The following UBE2D1 variants were observed in gnomAD, a reference collection of about 807,000 sequenced individuals.
The protein encoded by UBE2D1 is ubiquitin conjugating enzyme E2 D1.
Under a neutral mutation model 24.6 loss-of-function variants are expected in UBE2D1, and 9 were observed. That is an observed-to-expected ratio of 0.37 (90% CI 0.22 to 0.64). UBE2D1 has a LOEUF of 0.64. UBE2D1 is among the 30% of genes least tolerant of loss of function. The pLI, the probability that UBE2D1 is intolerant of heterozygous loss-of-function variation, is 0.64. For missense variants in UBE2D1, 87 were observed against 177.1 expected, an observed-to-expected ratio of 0.49 and a Z score of 2.89; for synonymous variants, 57 against 57.6, an observed-to-expected ratio of 0.99 and a Z score of 0.04.
At chr10:58,359,201 A>G (rs985830611) in intron 1 of UBE2D1, among the ~76,000 whole-genome samples, 1 of 152,060 alleles carries the variant, frequency 6.6e-6, no homozygotes, top group Non-Finnish European at 1.5e-5. Context: ...CACTGAACTC[A>G]TTGCCATAAT....
chr10:58,357,462 G>A (rs1294098213), intron 1 of UBE2D1, among the ~76,000 whole-genome samples: 3 of 152,130 alleles, frequency 2.0e-5, no homozygotes, highest in African/African-American at 7.2e-5. Flanking sequence ...ACTGGCTGCT[G>A]CACAGACTAA....
intron 2 of UBE2D1, 21 bp from the exon 3 acceptor site, chr10:58,361,474 A>G: frequency 6.2e-7 from 1 of 1,614,174 alleles, no homozygotes; most frequent in Non-Finnish European, 8.5e-7. Flanking sequence ...AATGACTCCA[A>G]AACTCCTTTG....
intron 1 of UBE2D1, among the ~76,000 whole-genome samples, chr10:58,337,544 C>T (rs566410323): frequency 6.6e-6 from 1 of 152,262 alleles, no homozygotes; most frequent in East Asian, 1.9e-4. Context: ...CTTAAGCTCA[C>T]TGAAGTATTA....
At chr10:58,350,142 T>C (rs1235241160) in intron 1 of UBE2D1, among the ~76,000 whole-genome samples, 1 of 152,252 alleles carries the variant, frequency 6.6e-6, no homozygotes, top group African/African-American at 2.4e-5. Context: ...TTCACTTTTC[T>C]GTTGGGTATA....
At chr10:58,368,124 T>C in intron 6 of UBE2D1, 108 bp downstream of exon 6, 1 of 754,226 alleles carries the variant, frequency 1.3e-6, no homozygotes, top group Admixed American at 2.5e-5. Context: ...GGTTGTTATA[T>C]GTATATTGTT....
At chr10:58,348,345 G>T (rs139019236) in intron 1 of UBE2D1, among the ~76,000 whole-genome samples, 2 of 152,190 alleles carry the variant, frequency 1.3e-5, no homozygotes, top group Admixed American at 6.5e-5. Flanking sequence ...TGAACTGTAA[G>T]CCCATGAAAT....
chr10:58,346,396 G>A (rs947530908), intron 1 of UBE2D1, among the ~76,000 whole-genome samples: 1 of 152,154 alleles, frequency 6.6e-6, no homozygotes, highest in African/African-American at 2.4e-5. Context: ...TTTGATTAAT[G>A]TCATGAAAAG....
chr10:58,346,035 G>T (rs1840012256), intron 1 of UBE2D1, among the ~76,000 whole-genome samples: 1 of 149,394 alleles, frequency 6.7e-6, no homozygotes, highest in African/African-American at 2.5e-5. Context: ...TTTTTAGACG[G>T]AGTCTCACTC....
At chr10:58,360,412 G>A (rs1840182141) in intron 1 of UBE2D1, among the ~76,000 whole-genome samples, 1 of 151,060 alleles carries the variant, frequency 6.6e-6, no homozygotes, top group Admixed American at 6.6e-5. Context: ...TATTAGAACT[G>A]GAATTCTCTC....
intron 1 of UBE2D1, among the ~76,000 whole-genome samples, chr10:58,344,889 A>G (rs1322761484): frequency 2.7e-5 from 4 of 150,826 alleles, no homozygotes; most frequent in African/African-American, 9.7e-5. Context: ...TTTAATGACA[A>G]AGTCTGGCTC....
At chr10:58,367,775 C>A in intron 5 of UBE2D1, 148 bp from the exon 6 acceptor site, 1 of 417,908 alleles carries the variant, frequency 2.4e-6, no homozygotes, top group East Asian at 3.6e-5. Context: ...TGCTATCAAC[C>A]AAAGTAGAAT....
intron 1 of UBE2D1, among the ~76,000 whole-genome samples, chr10:58,339,895 C>T (rs1047389067): frequency 6.6e-6 from 1 of 152,074 alleles, no homozygotes; most frequent in African/African-American, 2.4e-5. Context: ...GGATCCTTCT[C>T]TTCCACTTCT....
At chr10:58,368,350 C>G (rs945755045) in intron 6 of UBE2D1, 2 of 258,704 alleles carry the variant, frequency 7.7e-6, no homozygotes, top group East Asian at 7.7e-5. Context: ...GGAGTTCTCT[C>G]GTACCCATCC....
chr10:58,336,703 C>T (rs1032891054), intron 1 of UBE2D1, among the ~76,000 whole-genome samples: 32 of 152,148 alleles, frequency 2.1e-4, no homozygotes, highest in Admixed American at 6.6e-4. Flanking sequence ...TTATTAATGA[C>T]GAAGTAATAT....
chr10:58,357,523 A>G (rs1840145369), intron 1 of UBE2D1, among the ~76,000 whole-genome samples: 1 of 152,180 alleles, frequency 6.6e-6, no homozygotes, highest in South Asian at 2.1e-4. Context: ...TATTTGTTTT[A>G]TATTTTCACC....
In UBE2D1 at chr10:58,345,902, A is replaced by G. The variant is rs570119848; in HGVS notation, c.24+10677A>G. ...GGGAATCGTTCAGAAACAGTAGACC[A>G]TAAAGCTTCATATTGTAGACAACCT... On this transcript the variant is annotated intron_variant, in intron 1 of 6. Coordinates refer to ENST00000373910, the MANE Select transcript of UBE2D1 (RefSeq NM_003338.5). 2.6e-5 allele frequency among the ~76,000 whole-genome samples: 4 copies of G among 152,330 alleles called. No individual in the cohort carries two copies. The East Asian group carries it at 7.7e-4, about 29-fold the overall frequency.
At chr10:58,354,225 G>T (rs1256222509) in intron 1 of UBE2D1, among the ~76,000 whole-genome samples, 1 of 152,146 alleles carries the variant, frequency 6.6e-6, no homozygotes, top group East Asian at 1.9e-4. Context: ...TAAGTAAATT[G>T]CCCAAGGTCA....
At chr10:58,362,273 C>T (rs565530029) in intron 3 of UBE2D1, among the ~76,000 whole-genome samples, 285 of 152,256 alleles carry the variant, frequency 1.9e-3, no homozygotes, top group African/African-American at 6.4e-3. Flanking sequence ...ATTCTCTTCT[C>T]CCTGCCCTGA....
intron 1 of UBE2D1, among the ~76,000 whole-genome samples, chr10:58,339,677 G>A (rs1839942246): frequency 6.6e-6 from 1 of 151,584 alleles, no homozygotes; most frequent in Non-Finnish European, 1.5e-5. Context: ...GAAATATTGA[G>A]TAGTTTACTC....
Sources: allele counts gnomAD v4.1 joint callset (sites outside exome capture counted in the v4.1 genomes callset), GRCh38; gene constraint gnomAD v4.1.1; transcripts MANE v1.5; gene names NCBI Gene and HGNC (gene_info 2026-07-23, HGNC 2026-07-21).